Variants in TAF8 observed in about 807,000 individuals in gnomAD.
The protein encoded by TAF8 is transcription initiation factor TFIID subunit 8.
TAF8 carries 47 observed loss-of-function variants against 36.5 expected under a neutral mutation model. The observed-to-expected ratio is 1.29, with a 90% CI of 1.02 to 1.64. TAF8 has a LOEUF of 1.64. Ranked by LOEUF, TAF8 falls within the 40% of genes most tolerant of loss-of-function variation. The probability of loss-of-function intolerance (pLI) is 0.00; values close to 1 mark genes in which losing one functional copy is unlikely to be tolerated. For synonymous variants in TAF8, 175 were observed against 159.5 expected, an observed-to-expected ratio of 1.10 and a Z score of -0.73; for missense variants, 420 against 407.6, an observed-to-expected ratio of 1.03 and a Z score of -0.26.
intron 2 of TAF8, among the ~76,000 whole-genome samples, chr6:42,054,639 C>T (rs1222553250): frequency 6.6e-6 from 1 of 152,072 alleles, no homozygotes; most frequent in Admixed American, 6.6e-5. Flanking sequence ...GATGGAGTCT[C>T]GCTGTGTCTC....
Position 42,080,778 on chromosome 6 carries a change from G to A in TAF8, c.*3233G>A, listed in dbSNP as rs1765898865. The stretch of plus-strand genomic sequence containing the variant: ...TATAAAAATGCAAAATTCTCAATGT[G>A]TATTTATAAATTTCTATTTTTTATA... On this transcript the variant is annotated 3_prime_UTR_variant, in exon 9 of 9. Transcript: ENST00000372977. 1.0e-6 allele frequency: 1 copy of A among 981,346 alleles called. No individual in the cohort carries two copies. 60.8% of individuals were successfully genotyped at this position (981,346 alleles called of 1,614,324 possible).
chr6:42,062,731 G>A (rs556260487), intron 5 of TAF8, among the ~76,000 whole-genome samples: 36 of 150,882 alleles, frequency 2.4e-4, no homozygotes, highest in African/African-American at 8.8e-4. Flanking sequence ...AAGTAGAGAT[G>A]GGGTTTCACC....
In TAF8 at chr6:42,077,824, C is replaced by T. The variant is rs944354314; in HGVS notation, c.*279C>T. ...AGGCTGGAATGCAGTGGTGTGATCT[C>T]AGCTCACTGCAGTCTCAGCAACCCT... On this transcript the variant is annotated 3_prime_UTR_variant, in exon 9 of 9. Transcript: ENST00000372977. 2.7e-6 allele frequency: 3 copies of T among 1,092,386 alleles called. No homozygotes were observed. Among genetic ancestry groups the T allele is most frequent in the Non-Finnish European group, 3.6e-6 (3 of 842,472 alleles). 67.7% of individuals were successfully genotyped at this position (1,092,386 alleles called of 1,614,324 possible).
At chr6:42,050,814 C>G in intron 1 of TAF8, 1 of 939,326 alleles carries the variant, frequency 1.1e-6, no homozygotes. Context: ...GGTTGGGAGC[C>G]CGGAACACCC....
intron 5 of TAF8, among the ~76,000 whole-genome samples, chr6:42,062,576 C>G (rs976672613): frequency 8.6e-6 from 1 of 116,898 alleles, no homozygotes; most frequent in African/African-American, 3.5e-5. Flanking sequence ...TGCTCTGTTG[C>G]CAGGCTGGAG....
At chr6:42,065,442 A>G (rs34121681) in intron 5 of TAF8, among the ~76,000 whole-genome samples, 29,557 of 152,246 alleles carry the variant, frequency 0.19, 3,387 homozygotes, top group South Asian at 0.29. Flanking sequence ...CAAGCTCATA[A>G]TTAGGAGGAA....
downstream of TAF8, chr6:42,086,949 C>T: frequency 1.6e-6 from 1 of 634,170 alleles, no homozygotes; most frequent in Non-Finnish European, 2.8e-6. Flanking sequence ...TTCAGCCAAC[C>T]CAGAGGATGT....
intron 7 of TAF8, among the ~76,000 whole-genome samples, chr6:42,073,185 T>A (rs1313747958): frequency 6.6e-6 from 1 of 152,226 alleles, no homozygotes; most frequent in Non-Finnish European, 1.5e-5. Context: ...AATTCATGTA[T>A]AATAGATTCT....
At chr6:42,056,258 G>A (rs1167066804) in intron 4 of TAF8, 5 of 386,172 alleles carry the variant, frequency 1.3e-5, no homozygotes, top group African/African-American at 1.1e-4. Flanking sequence ...GCCCCAGAAG[G>A]GCAAATGATG....
chr6:42,077,049 C>A, intron 7 of TAF8, 51 bp from the exon 8 acceptor site: 1 of 1,566,248 alleles, frequency 6.4e-7, no homozygotes, highest in African/African-American at 1.4e-5. Context: ...TAGGCATGAT[C>A]TCTTTCCTTA....
Position 42,076,960 on chromosome 6 carries a change from A to G in TAF8, c.781-140A>G, listed in dbSNP as rs1765768588. 4 of 1,072,646 alleles carry G rather than the reference A, an allele frequency of 3.7e-6. No homozygotes were observed. The Admixed American group carries it at 1.1e-4, about 29-fold the overall frequency. 66.4% of individuals were successfully genotyped at this position (1,072,646 alleles called of 1,614,324 possible). A position where few individuals can be genotyped will look rare whatever the true frequency, so the allele number is the denominator to read the frequency against. Reference sequence around the variant, plus strand: ...TGCCTGGTCCTCGCTTCATCGGGGCAGAGATAGGAATGTTGGAAAGAAGGT... The same window carrying G: ...TGCCTGGTCCTCGCTTCATCGGGGCGGAGATAGGAATGTTGGAAAGAAGGT... On this transcript the variant is annotated intron_variant, in intron 7 of 8. Transcript: ENST00000372977.
chr6:42,062,526 A>G (rs1270598820), intron 5 of TAF8, among the ~76,000 whole-genome samples: 1 of 132,978 alleles, frequency 7.5e-6, no homozygotes, highest in Non-Finnish European at 1.6e-5. Context: ...AGGTTAAGAC[A>G]ATCTTTTTTT....
chr6:42,053,507 T>C (rs1764871350), intron 2 of TAF8, among the ~76,000 whole-genome samples: 2 of 150,584 alleles, frequency 1.3e-5, no homozygotes, highest in Middle Eastern at 3.4e-3. Context: ...AGAGATTGCA[T>C]TGAGCCAAGA....
chr6:42,074,033 A>G (rs1301938745), intron 7 of TAF8, among the ~76,000 whole-genome samples: 2 of 152,148 alleles, frequency 1.3e-5, no homozygotes, highest in Admixed American at 6.5e-5. Flanking sequence ...GTGCATGCCC[A>G]TAGTTGCAGT....
chr6:42,072,907 T>G (rs1765629227), intron 7 of TAF8, among the ~76,000 whole-genome samples: 1 of 152,052 alleles, frequency 6.6e-6, no homozygotes, highest in East Asian at 1.9e-4. Flanking sequence ...GTATTTTTAG[T>G]AGAGGCGGGG....
chr6:42,066,382 A>G lies in TAF8; in HGVS notation c.560A>G (p.Glu187Gly). 1 of 1,614,254 alleles carries G rather than the reference A, an allele frequency of 6.2e-7. No individual in the cohort carries two copies. Among genetic ancestry groups the G allele is most frequent in the East Asian group, 2.2e-5 (1 of 44,890 alleles). ...EKAASQRRDVERALTRFMAKT... is the reference protein window; with the variant it reads ...EKAASQRRDVGRALTRFMAKT... ...GCTGCATCCCAGAGGCGCGATGTGG[A>G]GCGGGCACTTACCCGTTTCATGGCC... The change falls in exon 6 of 9, where the codon GAG becomes GGG. Residue 187 changes from glutamate (E) to glycine (G), a missense_variant. Glu to Gly is a moderately conservative substitution (Grantham distance 98). Transcript: ENST00000372977.
Position 42,079,134 on chromosome 6 carries a change from A to C in TAF8, c.*1589A>C. The C allele has an allele frequency of 1.0e-6, 1 of 981,750 alleles. No individual in the cohort carries two copies. The highest frequency in any genetic ancestry group is 1.7e-5 in the African/African-American group (1 of 57,272). The allele number at this position is 981,750 out of a possible 1,614,324, so 60.8% of individuals were successfully genotyped here. ...GAGACTCCATTTCAAAAAAATAAAAAAAGGATAAAGTAAACAATAGGAAAG... is the reference window on the plus strand; with the variant it reads ...GAGACTCCATTTCAAAAAAATAAAACAAGGATAAAGTAAACAATAGGAAAG... On this transcript the variant is annotated 3_prime_UTR_variant, in exon 9 of 9. Transcript: ENST00000372977.
At chr6:42,062,441 A>G (rs1265897958) in intron 5 of TAF8, among the ~76,000 whole-genome samples, 1 of 150,884 alleles carries the variant, frequency 6.6e-6, no homozygotes, top group Non-Finnish European at 1.5e-5. Flanking sequence ...TACCCACAGA[A>G]TTTTTACACG....
chr6:42,069,776 T>C (rs1263614175), intron 7 of TAF8, among the ~76,000 whole-genome samples: 1 of 152,094 alleles, frequency 6.6e-6, no homozygotes, highest in Non-Finnish European at 1.5e-5. Flanking sequence ...TGAGCGTGGA[T>C]GAGCTCTTCC....
Sources: gnomAD v4.1 joint callset for allele counts (sites outside exome capture counted in the v4.1 genomes callset) on GRCh38, gnomAD v4.1.1 for gene constraint, MANE v1.5 for transcripts, NCBI Gene and HGNC (gene_info 2026-07-23, HGNC 2026-07-21) for gene names.